SLITRK5: variants seen among roughly 807,000 people sequenced by gnomAD.
SLITRK5 encodes the protein SLIT and NTRK-like protein 5.
Under a neutral mutation model 56.2 loss-of-function variants are expected in SLITRK5, and 23 were observed. That is an observed-to-expected ratio of 0.41 (90% CI 0.29 to 0.58). The LOEUF (loss-of-function observed/expected upper bound fraction) is 0.58. SLITRK5 is among the 20% of genes least tolerant of loss of function. The pLI, the probability that SLITRK5 is intolerant of heterozygous loss-of-function variation, is 0.30. For synonymous variants in SLITRK5, 637 were observed against 531.8 expected (o/e 1.20, Z -2.72); for missense variants, 1,289 against 1,226.6 (o/e 1.05, Z -0.76).
At position 87,677,024 on chromosome 13, in the gene SLITRK5, A is replaced by C; in HGVS notation, c.1636A>C (p.Ser546Arg). ...RSNHFTSLPVSGVLDQLKSLI... is the reference protein window; with the variant it reads ...RSNHFTSLPVRGVLDQLKSLI... Reference sequence around the variant, plus strand: ...TAACCACTTCACCTCCTTGCCAGTGAGTGGAGTTTTGGACCAGCTGAAGTC... The same window carrying C: ...TAACCACTTCACCTCCTTGCCAGTGCGTGGAGTTTTGGACCAGCTGAAGTC... The change falls in exon 2 of 2, where the codon AGT (serine) becomes CGT (arginine). Residue 546 changes from serine (S) to arginine (R), a missense_variant. Around this residue, in one of 3 missense-constraint regions of SLITRK5, gnomAD observed 985 missense variants for 906.0 expected, o/e 1.09. Transcript: ENST00000683689. The surrounding 1 kb of genome is among the most constrained non-coding windows in gnomAD (Gnocchi z 4.7). 6.2e-7 allele frequency: 1 copy of C among 1,614,024 alleles called. No individual in the cohort carries two copies. The highest frequency in any genetic ancestry group is 8.5e-7 in the Non-Finnish European group (1 of 1,180,010).
chr13:87,677,294 G>A lies in SLITRK5; in HGVS notation c.1906G>A (p.Ala636Thr), dbSNP rs1223202424. The A allele has an allele frequency of 3.7e-6, 6 of 1,614,158 alleles. No individual in the cohort carries two copies. Among genetic ancestry groups the A allele is most frequent in the Admixed American group, 3.3e-5 (2 of 60,026 alleles). Residue 636 changes from alanine (A) to threonine (T), a missense_variant, in exon 2 of 2, where the codon GCC (alanine) becomes ACC (threonine). Around this residue, in one of 3 missense-constraint regions of SLITRK5, gnomAD observed 985 missense variants for 906.0 expected, o/e 1.09. Coordinates refer to ENST00000683689, the MANE Select transcript of SLITRK5 (RefSeq NM_001384609.1). This position sits in a 1 kb window ranked among gnomAD's most constrained non-coding sequence, Gnocchi z 4.7. ...SSIQVPARTS[A>T]VTPAVRLNST... ...TATCCAGGTCCCTGCGAGGACCAGC[G>A]CCGTGACTCCTGCGGTCCGGTTGAA...
rs1877327097 is a variant in SLITRK5 at position 87,677,389 on chromosome 13, T to C, written c.2001T>C (p.Ile667=). 5.6e-6 allele frequency: 9 copies of C among 1,613,872 alleles called. No homozygotes were observed. The highest frequency in any genetic ancestry group is 7.6e-6 in the Non-Finnish European group (9 of 1,179,974). The change falls in exon 2 of 2, where the codon ATT becomes ATC. Residue 667 remains isoleucine (I), a synonymous_variant. Transcript: ENST00000683689. The surrounding 1 kb of genome is among the most constrained non-coding windows in gnomAD (Gnocchi z 4.7). Reference sequence around the variant, plus strand: ...CGTCGGTGCCCTTGTCTGTGTTAATTCTCAGCCTCCTGCTGGTTTTCATCA... The same window carrying C: ...CGTCGGTGCCCTTGTCTGTGTTAATCCTCAGCCTCCTGCTGGTTTTCATCA... ...GASSVPLSVL[I]LSLLLVFIMS...
In SLITRK5 at chr13:87,677,579, G is replaced by A. The variant is rs75157858; in HGVS notation, c.2191G>A (p.Val731Met). ...GGTGGHPHAH[V>M]HHRGPALPKV... is the part of the protein sequence containing the mutation. ...CACGGGCGGCCACCCACACGCGCAC[G>A]TGCATCACCGCGGGCCCGCGCTGCC... The change falls in exon 2 of 2, where the codon GTG becomes ATG. Residue 731 changes from valine (V) to methionine (M), a missense_variant. By Grantham distance (21) the Val-to-Met change is conservative. This residue lies in a region of SLITRK5 where 985 missense variants were observed against 906.0 expected (regional missense o/e 1.09). Transcript: ENST00000683689. The surrounding 1 kb of genome is among the most constrained non-coding windows in gnomAD (Gnocchi z 4.7). 6.0e-5 allele frequency: 96 copies of A among 1,609,586 alleles called. No individual in the cohort carries two copies. The highest frequency in any genetic ancestry group is 8.0e-5 in the Non-Finnish European group (94 of 1,177,266).
At position 87,671,669 on chromosome 13, in the gene SLITRK5, G is replaced by T. The variant is rs891666218; in HGVS notation, c.-549G>T. 6.6e-6 allele frequency among the ~76,000 whole-genome samples: 1 copy of T among 152,002 alleles called. No homozygotes were observed. The highest frequency in any genetic ancestry group is 1.5e-5 in the Non-Finnish European group (1 of 67,996). ...AACCCCAAAGGATGTCGGTGATAGA[G>T]AGTTCCAACTAATGACGATTGTGCG... On this transcript the variant is annotated 5_prime_UTR_variant, in exon 1 of 2. Transcript: ENST00000683689.
In SLITRK5 at chr13:87,676,544, G is replaced by T. The variant is rs1877284170; in HGVS notation, c.1156G>T (p.Asp386Tyr). 1.9e-6 allele frequency: 3 copies of T among 1,614,016 alleles called. No homozygotes were observed. The highest frequency in any genetic ancestry group is 3.3e-5 in the Admixed American group (2 of 59,988). ...TACSCNLQISDLGLNVNCQER... is the reference protein window; with the variant it reads ...TACSCNLQISYLGLNVNCQER... ...GTGCTCTTGCAACCTGCAGATCTCT[G>T]ATCTGGGCCTCAACGTAAACTGCCA... The change falls in exon 2 of 2, where the codon GAT (aspartate) becomes TAT (tyrosine). Residue 386 changes from aspartate (D) to tyrosine (Y), a missense_variant. Coordinates refer to ENST00000683689, the MANE Select transcript of SLITRK5 (RefSeq NM_001384609.1).
At position 87,676,912 on chromosome 13, in the gene SLITRK5, G is replaced by C. The variant is rs1386920687; in HGVS notation, c.1524G>C (p.Gln508His). Residue 508 changes from glutamine (Q) to histidine (H), a missense_variant, in exon 2 of 2, where the codon CAG becomes CAC. Gln to His is a conservative substitution (Grantham distance 24, BLOSUM62 0). This residue lies in a region of SLITRK5 where 985 missense variants were observed against 906.0 expected (regional missense o/e 1.09). Transcript: ENST00000683689. The part of the protein sequence containing the change: ...SGTFDPVPNL[Q>H]LLFLNNNLLQ... Reference sequence around the variant, plus strand: ...CTTTTGACCCGGTCCCAAACCTCCAGCTGCTATTCTTGAATAACAACCTCC... The same window carrying C: ...CTTTTGACCCGGTCCCAAACCTCCACCTGCTATTCTTGAATAACAACCTCC... 6.2e-7 allele frequency: 1 copy of C among 1,614,154 alleles called. No individual in the cohort carries two copies.
chr13:87,676,953 C>T lies in SLITRK5; in HGVS notation c.1565C>T (p.Ser522Leu). Residue 522 changes from serine (S) to leucine (L), a missense_variant, in exon 2 of 2, where the codon TCA (serine) becomes TTA (leucine). Physicochemically the swap from Ser to Leu is moderately radical, Grantham distance 145. Around this residue, in one of 3 missense-constraint regions of SLITRK5, gnomAD observed 985 missense variants for 906.0 expected, o/e 1.09. Transcript: ENST00000683689. Reference protein sequence around the residue: ...LNNNLLQAMPSGVFSGLTLLR... With the variant: ...LNNNLLQAMPLGVFSGLTLLR... The stretch of plus-strand genomic sequence containing the variant: ...AACAACCTCCTGCAGGCCATGCCCT[C>T]AGGCGTCTTCTCTGGCTTGACCCTC... The T allele has an allele frequency of 6.2e-7, 1 of 1,614,214 alleles. No homozygotes were observed. Among genetic ancestry groups the T allele is most frequent in the Non-Finnish European group, 8.5e-7 (1 of 1,180,040 alleles).
chr13:87,678,444 A>T lies in SLITRK5; in HGVS notation c.*179A>T. On this transcript the variant is annotated 3_prime_UTR_variant, in exon 2 of 2. Coordinates refer to ENST00000683689, the MANE Select transcript of SLITRK5 (RefSeq NM_001384609.1). ...GTGTGCAATTTCCTTTAAAATTTACACGTGGGAAACATTTGTGTAAACTGG... is the reference window on the plus strand; with the variant it reads ...GTGTGCAATTTCCTTTAAAATTTACTCGTGGGAAACATTTGTGTAAACTGG... The T allele has an allele frequency of 1.6e-6, 1 of 625,128 alleles. No homozygotes were observed. Among genetic ancestry groups the T allele is most frequent in the Non-Finnish European group, 2.8e-6 (1 of 353,502 alleles). The allele number at this position is 625,128 out of a possible 1,614,324, so 38.7% of individuals were successfully genotyped here.
rs762791677 is a variant in SLITRK5 at position 87,676,264 on chromosome 13, C to T, written c.876C>T (p.Tyr292=). Residue 292 remains tyrosine (Y), a synonymous_variant, in exon 2 of 2, where the codon TAC becomes TAT. Coordinates refer to ENST00000683689, the MANE Select transcript of SLITRK5 (RefSeq NM_001384609.1). ...ELCPRRLISD[Y]EMRPQTPLST... ...GCCCAAGGAGACTTATTTCTGACTA[C>T]GAGATGAGGCCGCAGACGCCTTTGA... 6 of 1,614,112 alleles carry T rather than the reference C, an allele frequency of 3.7e-6. No homozygotes were observed. Among genetic ancestry groups the T allele is most frequent in the South Asian group, 1.1e-5 (1 of 91,078 alleles).
Position 87,676,083 on chromosome 13 carries a change from T to C in SLITRK5, c.695T>C (p.Leu232Pro). ...ATGGATAAAGTTGTGGAGCTACAGCTGGAGGAAAACCCTTGGAATTGTTCT... is the reference window on the plus strand; with the variant it reads ...ATGGATAAAGTTGTGGAGCTACAGCCGGAGGAAAACCCTTGGAATTGTTCT... ...QHMDKVVELQ[L>P]EENPWNCSCE... Residue 232 changes from leucine (L) to proline (P), a missense_variant, in exon 2 of 2, where the codon CTG (leucine) becomes CCG (proline). Leu to Pro is a moderately conservative substitution (Grantham distance 98). Coordinates refer to ENST00000683689, the MANE Select transcript of SLITRK5 (RefSeq NM_001384609.1). 6.2e-7 allele frequency: 1 copy of C among 1,614,150 alleles called. No homozygotes were observed. The highest frequency in any genetic ancestry group is 1.1e-5 in the South Asian group (1 of 91,086).
chr13:87,671,962 G>A lies in SLITRK5; in HGVS notation c.-256G>A, dbSNP rs1877049017. ...TCGCCCCCTCACTACCATGTACAGTGTGCGCTGCAAGAAGAAGGCGGGAGA... is the reference window on the plus strand; with the variant it reads ...TCGCCCCCTCACTACCATGTACAGTATGCGCTGCAAGAAGAAGGCGGGAGA... On this transcript the variant is annotated 5_prime_UTR_variant, in exon 1 of 2. In the 5' UTR this introduces an upstream ATG that the reference lacks. Coordinates refer to ENST00000683689, the MANE Select transcript of SLITRK5 (RefSeq NM_001384609.1). Among the ~76,000 whole-genome samples, 1 of 152,120 alleles carries A rather than the reference G, an allele frequency of 6.6e-6. No individual in the cohort carries two copies. The highest frequency in any genetic ancestry group is 1.5e-5 in the Non-Finnish European group (1 of 68,014).
In SLITRK5 at chr13:87,675,848, A is replaced by G; in HGVS notation, c.460A>G (p.Asn154Asp). 6.2e-7 allele frequency: 1 copy of G among 1,614,088 alleles called. No individual in the cohort carries two copies. The highest frequency in any genetic ancestry group is 8.5e-7 in the Non-Finnish European group (1 of 1,179,994). The change falls in exon 2 of 2, where the codon AAC (asparagine) becomes GAC (aspartate). Residue 154 changes from asparagine (N) to aspartate (D), a missense_variant. Physicochemically the swap from Asn to Asp is conservative, Grantham distance 23. Transcript: ENST00000683689. Reference protein sequence around the residue: ...LRDDTFLGLENLEYLQVDYNY... With the variant: ...LRDDTFLGLEDLEYLQVDYNY... ...AGATGATACCTTCCTTGGCTTGGAGAACCTGGAGTACCTACAGGTCGATTA... is the reference window on the plus strand; with the variant it reads ...AGATGATACCTTCCTTGGCTTGGAGGACCTGGAGTACCTACAGGTCGATTA...
chr13:87,677,592 G>T lies in SLITRK5; in HGVS notation c.2204G>T (p.Gly735Val). ...CCACACGCGCACGTGCATCACCGCGGGCCCGCGCTGCCCAAGGTGAAGACG... is the reference window on the plus strand; with the variant it reads ...CCACACGCGCACGTGCATCACCGCGTGCCCGCGCTGCCCAAGGTGAAGACG... The part of the protein sequence containing the change: ...GHPHAHVHHR[G>V]PALPKVKTPA... Residue 735 changes from glycine (G) to valine (V), a missense_variant, in exon 2 of 2, where the codon GGG (glycine) becomes GTG (valine). Transcript: ENST00000683689. The surrounding 1 kb of genome is among the most constrained non-coding windows in gnomAD (Gnocchi z 4.7). 1 of 1,609,718 alleles carries T rather than the reference G, an allele frequency of 6.2e-7. No homozygotes were observed. The highest frequency in any genetic ancestry group is 8.5e-7 in the Non-Finnish European group (1 of 1,177,170).
At position 87,676,532 on chromosome 13, in the gene SLITRK5, C is replaced by T; in HGVS notation, c.1144C>T (p.Leu382=). 1 of 1,614,140 alleles carries T rather than the reference C, an allele frequency of 6.2e-7. No individual in the cohort carries two copies. The highest frequency in any genetic ancestry group is 8.5e-7 in the Non-Finnish European group (1 of 1,180,026). The change falls in exon 2 of 2, where the codon CTG becomes TTG. Residue 382 remains leucine, a synonymous_variant. Coordinates refer to ENST00000683689, the MANE Select transcript of SLITRK5 (RefSeq NM_001384609.1). The part of the protein sequence containing the change: ...LECPTACSCN[L]QISDLGLNVN... Reference sequence around the variant, plus strand: ...GTGTCCCACCGCGTGCTCTTGCAACCTGCAGATCTCTGATCTGGGCCTCAA... The same window carrying T: ...GTGTCCCACCGCGTGCTCTTGCAACTTGCAGATCTCTGATCTGGGCCTCAA...
In SLITRK5 at chr13:87,671,551, T is replaced by C. The variant is rs2137934652; in HGVS notation, c.-667T>C. On this transcript the variant is annotated 5_prime_UTR_variant, in exon 1 of 2. Coordinates refer to ENST00000683689, the MANE Select transcript of SLITRK5 (RefSeq NM_001384609.1). The stretch of plus-strand genomic sequence containing the variant: ...TCGGCGCCCGGGAGGAAGACGCAAC[T>C]TTCTCGGAGTTTTTTTTAGAGCCAC... Among the ~76,000 whole-genome samples, 1 of 152,096 alleles carries C rather than the reference T, an allele frequency of 6.6e-6. No homozygotes were observed. Among genetic ancestry groups the C allele is most frequent in the Middle Eastern group, 3.4e-3 (1 of 294 alleles).
chr13:87,675,351 T>G (rs375478797), intron 1 of SLITRK5, 30 bp from the exon 2 acceptor site: 1 of 1,543,848 alleles, frequency 6.5e-7, no homozygotes, highest in Non-Finnish European at 8.9e-7. Flanking sequence ...TCATATTCTG[T>G]TATTTCCTTG....
In SLITRK5 at chr13:87,678,064, C is replaced by T. The variant is rs765614394; in HGVS notation, c.2676C>T (p.Asn892=). The change falls in exon 2 of 2, where the codon AAC becomes AAT. Residue 892 remains asparagine (N), a synonymous_variant. Coordinates refer to ENST00000683689, the MANE Select transcript of SLITRK5 (RefSeq NM_001384609.1). The part of the protein sequence containing the change: ...CSPAAYTFSP[N]YDLRRPHQYL... Reference sequence around the variant, plus strand: ...CCGCTGCTTACACTTTCTCCCCCAACTATGACCTGAGACGCCCCCATCAGT... The same window carrying T: ...CCGCTGCTTACACTTTCTCCCCCAATTATGACCTGAGACGCCCCCATCAGT... The T allele has an allele frequency of 1.1e-5, 17 of 1,614,098 alleles. No homozygotes were observed. Among genetic ancestry groups the T allele is most frequent in the Non-Finnish European group, 1.4e-5 (17 of 1,180,014 alleles).
At position 87,675,522 on chromosome 13, in the gene SLITRK5, G is replaced by T. The variant is rs752830067; in HGVS notation, c.134G>T (p.Gly45Val). 1.2e-5 allele frequency: 20 copies of T among 1,614,154 alleles called. No homozygotes were observed. Among genetic ancestry groups the T allele is most frequent in the Non-Finnish European group, 9.3e-6 (11 of 1,180,020 alleles). ...LSCAETIDYY[G>V]EICDNACPCE... is the part of the protein sequence containing the mutation. ...TGTGCAGAAACCATCGATTATTATG[G>T]GGAAATCTGTGACAATGCATGTCCT... The change falls in exon 2 of 2, where the codon GGG (glycine) becomes GTG (valine). Residue 45 changes from glycine to valine, a missense_variant. Physicochemically the swap from Gly to Val is moderately radical, Grantham distance 109. Around this residue, in one of 3 missense-constraint regions of SLITRK5, gnomAD observed 291 missense variants for 286.7 expected, o/e 1.02. Transcript: ENST00000683689.
In SLITRK5 at chr13:87,671,481, C is replaced by T. The variant is rs926709070; in HGVS notation, c.-737C>T. ...ACTGGGCCCTGCACCCGCTCCGGAG[C>T]AGCTGTCTCAGAGACCCGGTGTTGC... On this transcript the variant is annotated 5_prime_UTR_variant, in exon 1 of 2. Coordinates refer to ENST00000683689, the MANE Select transcript of SLITRK5 (RefSeq NM_001384609.1). Among the ~76,000 whole-genome samples, 8 of 152,106 alleles carry T rather than the reference C, an allele frequency of 5.3e-5. No homozygotes were observed. The highest frequency in any genetic ancestry group is 1.0e-4 in the Non-Finnish European group (7 of 68,026).
Sources: gnomAD v4.1 joint callset for allele counts (sites outside exome capture counted in the v4.1 genomes callset) on GRCh38, gnomAD v4.1.1 for gene constraint, gnomAD v4.1.1 regional missense constraint, Gnocchi (gnomAD v3.1) non-coding constraint, MANE v1.5 for transcripts, NCBI Gene and HGNC (gene_info 2026-07-23, HGNC 2026-07-21) for gene names.